Variants in MPP7 observed in about 807,000 individuals in gnomAD.
MPP7 encodes MAGUK p55 subfamily member 7.
Under a neutral mutation model 76.5 loss-of-function variants are expected in MPP7, and 60 were observed. That is an observed-to-expected ratio of 0.78 (90% CI 0.64 to 0.97). The LOEUF (loss-of-function observed/expected upper bound fraction) is 0.97, where lower values mean the gene tolerates loss of function less well. MPP7 is among the 50% of genes least tolerant of loss of function. The pLI is 0.00. For synonymous variants in MPP7, 237 were observed against 244.5 expected (o/e 0.97, Z 0.29); for missense variants, 641 against 694.0 (o/e 0.92, Z 0.86).
intron 11 of MPP7, among the ~76,000 whole-genome samples, chr10:28,106,386 C>T (rs1834326675): frequency 6.6e-6 from 1 of 152,130 alleles, no homozygotes; most frequent in Non-Finnish European, 1.5e-5. Context: ...GGTAGTCCTG[C>T]TTTTGTTTAT....
At chr10:28,282,778 C>T (rs1840708089) in intron 1 of MPP7, among the ~76,000 whole-genome samples, 1 of 151,916 alleles carries the variant, frequency 6.6e-6, no homozygotes, top group Non-Finnish European at 1.5e-5. Context: ...AGTTCAACCC[C>T]TCGCTATTGC....
chr10:28,196,214 C>A (rs984357975), intron 3 of MPP7, among the ~76,000 whole-genome samples: 1 of 152,192 alleles, frequency 6.6e-6, no homozygotes, highest in East Asian at 1.9e-4. Flanking sequence ...GATGCGGTGG[C>A]TCATGCCTGT....
intron 2 of MPP7, among the ~76,000 whole-genome samples, chr10:28,214,281 CT>C (rs1316663542): frequency 6.6e-6 from 1 of 152,206 alleles, no homozygotes; most frequent in Non-Finnish European, 1.5e-5. Flanking sequence ...ATCCAGGAAA[CT>C]TTACACCAAT....
intron 1 of MPP7, among the ~76,000 whole-genome samples, chr10:28,264,466 A>C (rs891766729): frequency 6.6e-6 from 1 of 151,924 alleles, no homozygotes; most frequent in African/African-American, 2.4e-5. Flanking sequence ...CAGAAACCCC[A>C]CCACGTGAGA....
intron 2 of MPP7, among the ~76,000 whole-genome samples, chr10:28,227,429 C>T (rs1224171741): frequency 6.6e-6 from 1 of 152,160 alleles, no homozygotes; most frequent in Non-Finnish European, 1.5e-5. Flanking sequence ...TTAAGCCCCA[C>T]ATGCATTAGC....
intron 1 of MPP7, among the ~76,000 whole-genome samples, chr10:28,276,299 G>A (rs1348315222): frequency 6.6e-6 from 1 of 152,102 alleles, no homozygotes; most frequent in Non-Finnish European, 1.5e-5. Flanking sequence ...CCAGAGTGCT[G>A]GGATTACAGG....
chr10:28,287,705 CTT>C (rs943283225), intron 1 of MPP7, among the ~76,000 whole-genome samples: 8 of 152,238 alleles, frequency 5.3e-5, no homozygotes, highest in Admixed American at 3.3e-4. Flanking sequence ...GGGAAGAAGA[CTT>C]TTCAAGAGAT....
intron 11 of MPP7, among the ~76,000 whole-genome samples, chr10:28,104,548 C>G (rs1221254236): frequency 6.6e-6 from 1 of 152,128 alleles, no homozygotes; most frequent in Non-Finnish European, 1.5e-5. Context: ...ATAATTTTCT[C>G]AAGCTATTTG....
chr10:28,079,980 G>C (rs1852682311), intron 12 of MPP7, among the ~76,000 whole-genome samples: 1 of 150,898 alleles, frequency 6.6e-6, no homozygotes, highest in Non-Finnish European at 1.5e-5. Flanking sequence ...AAATTAGCCA[G>C]GTGTGGTGCG....
At chr10:28,270,532 A>AAGGGGGG (rs1304530937) in intron 1 of MPP7, among the ~76,000 whole-genome samples, 12 of 15,502 alleles carry the variant, frequency 7.7e-4, no homozygotes, top group Admixed American at 2.4e-3. Flanking sequence ...AAAAAAAAAA[A>AAGGGGGG]GGGGGGGGGG....
chr10:28,066,871 G>C (rs993746845), intron 13 of MPP7, among the ~76,000 whole-genome samples: 2 of 152,176 alleles, frequency 1.3e-5, no homozygotes, highest in African/African-American at 4.8e-5. Context: ...TTGCTTTACA[G>C]TATTCCATTG....
intron 13 of MPP7, among the ~76,000 whole-genome samples, chr10:28,063,674 C>T (rs1481827586): frequency 6.6e-6 from 1 of 151,994 alleles, no homozygotes; most frequent in Non-Finnish European, 1.5e-5. Context: ...TTGTGGACTG[C>T]ACGTGTGAGA....
chr10:28,107,650 G>A (rs1834367565), intron 11 of MPP7, among the ~76,000 whole-genome samples: 1 of 152,038 alleles, frequency 6.6e-6, no homozygotes, highest in South Asian at 2.1e-4. Context: ...CTGTTCTCTG[G>A]AACTCTGAAA....
intron 3 of MPP7, among the ~76,000 whole-genome samples, chr10:28,154,506 C>T (rs1029482790): frequency 1.3e-5 from 2 of 152,124 alleles, no homozygotes; most frequent in Non-Finnish European, 2.9e-5. Context: ...TTATAAGGAA[C>T]ATGTCTATAA....
chr10:28,276,539 T>C (rs865983990), intron 1 of MPP7, among the ~76,000 whole-genome samples: 1 of 152,026 alleles, frequency 6.6e-6, no homozygotes, highest in African/African-American at 2.4e-5. Context: ...CAGAACACTA[T>C]ATCACTGTAA....
rs1319060526 is a variant in MPP7 at position 28,293,535 on chromosome 10, A to G, written c.-132+9326T>C. Among the ~76,000 whole-genome samples the G allele has an allele frequency of 2.0e-5, 3 of 152,240 alleles. No homozygotes were observed. The East Asian group carries it at 5.8e-4, about 29-fold the overall frequency. ...CCAGAGAGAGGGTCCCCTGGGGGCAAGGAAGAACATGAATGGGGATAGGTG... is the reference window on the plus strand; with the variant it reads ...CCAGAGAGAGGGTCCCCTGGGGGCAGGGAAGAACATGAATGGGGATAGGTG... On this transcript the variant is annotated intron_variant, in intron 1 of 16. Transcript: ENST00000683449.
chr10:28,056,716 C>A lies in MPP7; in HGVS notation c.1408-93G>T, dbSNP rs1343640672. ...TAGGAGAAAATTCCTCAAAATTATT[C>A]TTTAAGGTCAGTAGTCATTTCAATA... On this transcript the variant is annotated intron_variant, in intron 15 of 16. Coordinates refer to ENST00000683449, the MANE Select transcript of MPP7 (RefSeq NM_001318170.2). 5.3e-5 allele frequency: 58 copies of A among 1,100,602 alleles called. No homozygotes were observed. The East Asian group carries it at 1.5e-3, about 28-fold the overall frequency. The allele number at this position is 1,100,602 out of a possible 1,614,324, so 68.2% of individuals were successfully genotyped here.
At chr10:28,190,045 C>CA (rs1348213666) in intron 3 of MPP7, among the ~76,000 whole-genome samples, 1 of 151,956 alleles carries the variant, frequency 6.6e-6, no homozygotes. Flanking sequence ...CCCAACATGG[C>CA]AAATTGGCAG....
chr10:28,287,010 G>A (rs748740179), intron 1 of MPP7, among the ~76,000 whole-genome samples: 4 of 152,218 alleles, frequency 2.6e-5, no homozygotes, highest in African/African-American at 7.2e-5. Context: ...TATGCCAACC[G>A]TTTGATCAAC....
Sources: gnomAD v4.1 joint callset for allele counts (sites outside exome capture counted in the v4.1 genomes callset) on GRCh38, gnomAD v4.1.1 for gene constraint, MANE v1.5 for transcripts, NCBI Gene and HGNC (gene_info 2026-07-23, HGNC 2026-07-21) for gene names.